Variants in RNLS observed in about 807,000 individuals in gnomAD.
RNLS encodes renalase.
Under a neutral mutation model 39.8 loss-of-function variants are expected in RNLS, and 39 were observed. The observed-to-expected ratio is 0.98, with a 90% CI of 0.76 to 1.28. The LOEUF (loss-of-function observed/expected upper bound fraction) is 1.28. RNLS is among the 50% of genes most tolerant of loss of function. The probability of loss-of-function intolerance (pLI) is 0.00; values close to 1 mark genes in which losing one functional copy is unlikely to be tolerated. For synonymous variants in RNLS, 147 were observed against 150.7 expected (o/e 0.98, Z 0.18); for missense variants, 410 against 413.3 (o/e 0.99, Z 0.07).
At chr10:88,436,163 T>G (rs1841397351) in intron 4 of RNLS, among the ~76,000 whole-genome samples, 1 of 152,056 alleles carries the variant, frequency 6.6e-6, no homozygotes, top group African/African-American at 2.4e-5. Flanking sequence ...ATCCCTTGCC[T>G]TATATTCAGA....
chr10:88,414,873 C>A (rs755714984), intron 4 of RNLS, among the ~76,000 whole-genome samples: 3 of 152,048 alleles, frequency 2.0e-5, no homozygotes, highest in Non-Finnish European at 2.9e-5. Context: ...TGGTCTTGGC[C>A]AGGGAGGAAT....
At chr10:88,296,764 A>G (rs1177935977) in intron 6 of RNLS, among the ~76,000 whole-genome samples, 2 of 152,146 alleles carry the variant, frequency 1.3e-5, no homozygotes, top group Non-Finnish European at 2.9e-5. Flanking sequence ...AGCCACTAGA[A>G]ATAACAGAGA....
chr10:88,568,918 T>TA lies in RNLS; in HGVS notation c.526+3984dup, dbSNP rs1169107789. Among the ~76,000 whole-genome samples, 4 of 152,242 alleles carry TA rather than the reference T, an allele frequency of 2.6e-5. No homozygotes were observed. In the South Asian group the frequency reaches 6.2e-4, roughly 24 times the overall value. ...ATCTTCAGCATCACCTAGAAACTTG[T>TA]AAAAAATGCAAATTGTCCATGCATA... On this transcript the variant is annotated intron_variant, in intron 4 of 6. Coordinates refer to ENST00000331772, the MANE Select transcript of RNLS (RefSeq NM_001031709.3).
Position 88,459,554 on chromosome 10 carries a change from C to T in RNLS, c.527-96829G>A, listed in dbSNP as rs141880111. On this transcript the variant is annotated intron_variant, in intron 4 of 6. Transcript: ENST00000331772. ...ACAGTCCATGTATCCAGGGAGCTTG[C>T]TAATCAATTTTAGAGTCAACAGAGC... is the stretch of plus-strand genomic sequence containing the variant. 4.1e-3 allele frequency among the ~76,000 whole-genome samples: 630 copies of T among 152,176 alleles called. 6 individuals carry two copies. The highest frequency in any genetic ancestry group is 0.014 in the African/African-American group (570 of 41,512).
chr10:88,581,097 T>C (rs1220053683), intron 3 of RNLS, among the ~76,000 whole-genome samples: 1 of 151,948 alleles, frequency 6.6e-6, no homozygotes, highest in Admixed American at 6.6e-5. Context: ...AAGCTAATAG[T>C]TAAATAAGTG....
chr10:88,457,889 G>C (rs1289562910), intron 4 of RNLS, among the ~76,000 whole-genome samples: 1 of 152,186 alleles, frequency 6.6e-6, no homozygotes, highest in Non-Finnish European at 1.5e-5. Context: ...CAGCACAGAG[G>C]AGACATGCCA....
intron 5 of RNLS, among the ~76,000 whole-genome samples, chr10:88,349,876 T>G (rs1196672714): frequency 1.3e-5 from 2 of 152,106 alleles, no homozygotes; most frequent in African/African-American, 2.4e-5. Flanking sequence ...ATTTGACAGC[T>G]GTTAATTAAA....
chr10:88,572,921 G>A lies in RNLS; in HGVS notation c.508C>T (p.Gln170Ter), dbSNP rs1849929691. The part of the protein sequence containing the change: ...TMPVPEILQL[Q>*]GDITTLISEC... ...GACTCACAGGTGGTGATGTCACCTT[G>A]AAGCTGCAGAATCTCAGGAACTGGC... The change falls in exon 4 of 7, where the codon CAA becomes TAA. Residue 170 changes from glutamine to a stop codon, truncating the protein, a stop_gained. Coordinates refer to ENST00000331772, the MANE Select transcript of RNLS (RefSeq NM_001031709.3). LOFTEE classifies it high-confidence loss of function. 6.2e-7 allele frequency: 1 copy of A among 1,613,812 alleles called. No homozygotes were observed. The highest frequency in any genetic ancestry group is 1.3e-5 in the African/African-American group (1 of 75,044).
At chr10:88,188,064 T>A in the RNLS span, among the ~76,000 whole-genome samples, 1 of 152,224 alleles carries the variant, frequency 6.6e-6, no homozygotes, top group Admixed American at 6.5e-5. Context: ...CAGTTTCTTT[T>A]TCTTTTTTTT....
intron 4 of RNLS, among the ~76,000 whole-genome samples, chr10:88,442,975 G>T (rs1252132269): frequency 6.6e-6 from 1 of 152,140 alleles, no homozygotes; most frequent in Admixed American, 6.5e-5. Flanking sequence ...GGCGTTCCCT[G>T]TTCCAGAGAT....
chr10:88,343,407 G>T, intron 5 of RNLS: 1 of 422,628 alleles, frequency 2.4e-6, no homozygotes, highest in Non-Finnish European at 3.2e-6. Flanking sequence ...GGAGATTGGT[G>T]GCTCCATTTT....
At chr10:88,420,402 T>C (rs906654036) in intron 4 of RNLS, among the ~76,000 whole-genome samples, 1 of 152,180 alleles carries the variant, frequency 6.6e-6, no homozygotes, top group Admixed American at 6.5e-5. Flanking sequence ...CCTAAAACAA[T>C]ATAAATTTAT....
intron 4 of RNLS, among the ~76,000 whole-genome samples, chr10:88,563,471 G>A (rs183580912): frequency 6.6e-6 from 1 of 152,246 alleles, no homozygotes; most frequent in Admixed American, 6.5e-5. Flanking sequence ...TGATGCACAT[G>A]AATATTCACT....
the RNLS span, among the ~76,000 whole-genome samples, chr10:88,231,452 T>A: frequency 6.6e-6 from 1 of 152,220 alleles, no homozygotes; most frequent in African/African-American, 2.4e-5. Flanking sequence ...GCCACCAGTG[T>A]GTGTGTGGTA....
At chr10:88,576,463 C>T (rs938461823) in intron 3 of RNLS, among the ~76,000 whole-genome samples, 1 of 152,200 alleles carries the variant, frequency 6.6e-6, no homozygotes, top group African/African-American at 2.4e-5. Flanking sequence ...TTATGTTTCT[C>T]CTATGATTTC....
intron 4 of RNLS, among the ~76,000 whole-genome samples, chr10:88,390,210 G>A (rs754311062): frequency 1.3e-5 from 2 of 152,170 alleles, no homozygotes; most frequent in Admixed American, 6.5e-5. Flanking sequence ...CAGCTTTCAC[G>A]TGTCTTCACA....
At chr10:88,530,738 G>A (rs1847375898) in intron 4 of RNLS, among the ~76,000 whole-genome samples, 1 of 152,022 alleles carries the variant, frequency 6.6e-6, no homozygotes, top group Non-Finnish European at 1.5e-5. Flanking sequence ...GTGACTGTAT[G>A]TAAATGATAA....
chr10:88,379,943 C>T (rs1851319070), intron 4 of RNLS, among the ~76,000 whole-genome samples: 1 of 152,120 alleles, frequency 6.6e-6, no homozygotes, highest in Non-Finnish European at 1.5e-5. Context: ...CCAGTCACCT[C>T]CCAGCTTTTG....
intron 6 of RNLS, among the ~76,000 whole-genome samples, chr10:88,295,006 C>T (rs1335448221): frequency 6.6e-6 from 1 of 152,086 alleles, no homozygotes; most frequent in African/African-American, 2.4e-5. Context: ...ATCCCAGTTC[C>T]TGAGCAACTG....
Sources: allele counts gnomAD v4.1 joint callset (sites outside exome capture counted in the v4.1 genomes callset), GRCh38; gene constraint gnomAD v4.1.1; transcripts MANE v1.5; gene names NCBI Gene and HGNC (gene_info 2026-07-23, HGNC 2026-07-21).